ZNF254: variants seen among roughly 807,000 people sequenced by gnomAD.
The protein encoded by ZNF254 is zinc finger protein 254.
ZNF254 carries 10 observed loss-of-function variants against 12.4 expected under a neutral mutation model. That is an observed-to-expected ratio of 0.80 (90% CI 0.50 to 1.36). The LOEUF is 1.36. Among genes scored for constraint, ZNF254 ranks in the 40% most tolerant of loss-of-function variants. The pLI is 0.00. For synonymous variants in ZNF254, 305 were observed against 253.4 expected (o/e 1.20, Z -1.93); for missense variants, 996 against 763.9 (o/e 1.30, Z -3.58).
Position 24,129,463 on chromosome 19 carries a change from A to G in ZNF254, c.*1483A>G, listed in dbSNP as rs1975099909. On this transcript the variant is annotated 3_prime_UTR_variant, in exon 4 of 4. Transcript: ENST00000357002. ...GGTAAGATAATGTACTGACATCTCT[A>G]GCAATCTTTTTTGCCAGTGGCTTTA... 6.6e-6 allele frequency: 1 copy of G among 152,040 alleles called. No homozygotes were observed. 9.4% of individuals were successfully genotyped at this position (152,040 alleles called of 1,614,324 possible). A position where few individuals can be genotyped will look rare whatever the true frequency, so the allele number is the denominator to read the frequency against.
intron 1 of ZNF254, among the ~76,000 whole-genome samples, chr19:24,090,147 G>T (rs1054484216): frequency 2.6e-5 from 4 of 152,026 alleles, no homozygotes; most frequent in African/African-American, 9.7e-5. Context: ...GCAGTGAGTG[G>T]ATATCACGCC....
chr19:24,040,036 T>A (rs1213968004), intron 1 of ZNF254, among the ~76,000 whole-genome samples: 1 of 152,212 alleles, frequency 6.6e-6, no homozygotes, highest in Admixed American at 6.5e-5. Context: ...CAAGTTCTTG[T>A]TGGTCCAGCT....
In ZNF254 at chr19:24,036,100, C is replaced by T. The variant is rs139117305; in HGVS notation, c.-190+2479C>T. ...TTTTTGAGATGGAGGCTCACTCTGTCGCCCAGGCTGGAGTGCAGTGGCGCG... is the reference window on the plus strand; with the variant it reads ...TTTTTGAGATGGAGGCTCACTCTGTTGCCCAGGCTGGAGTGCAGTGGCGCG... On this transcript the variant is annotated intron_variant, in intron 1 of 4. Coordinates refer to the ZNF254 transcript ENST00000613065. Among the ~76,000 whole-genome samples the T allele has an allele frequency of 4.3e-4, 66 of 152,140 alleles. No individual in the cohort carries two copies. The East Asian group carries it at 0.012, about 28-fold the overall frequency.
intron 1 of ZNF254, among the ~76,000 whole-genome samples, chr19:24,088,731 A>G (rs906070944): frequency 1.9e-4 from 29 of 152,042 alleles, no homozygotes; most frequent in African/African-American, 7.0e-4. Context: ...ATTTAGGCTC[A>G]CTGCAACCTC....
chr19:24,101,272 TGC>T (rs1973008975), intron 1 of ZNF254, among the ~76,000 whole-genome samples: 2 of 152,246 alleles, frequency 1.3e-5, no homozygotes, highest in Admixed American at 6.5e-5. Flanking sequence ...ATCTAGAATC[TGC>T]AAATAAGGTC....
intron 2 of ZNF254, among the ~76,000 whole-genome samples, chr19:24,065,085 C>T (rs987889614): frequency 6.6e-6 from 1 of 152,160 alleles, no homozygotes; most frequent in East Asian, 1.9e-4. Flanking sequence ...AAACAAACAC[C>T]TAGGGGTTGG....
At chr19:24,092,696 T>C (rs941505111) in intron 1 of ZNF254, among the ~76,000 whole-genome samples, 2 of 152,240 alleles carry the variant, frequency 1.3e-5, no homozygotes, top group East Asian at 3.8e-4. Flanking sequence ...ATATTTTCTT[T>C]ATTCAGTCTA....
At chr19:24,106,984 G>A (rs1020454229) in intron 3 of ZNF254, 3 of 441,462 alleles carry the variant, frequency 6.8e-6, no homozygotes, top group Non-Finnish European at 1.2e-5. Context: ...ATGTTAAACT[G>A]TTTTTTAAGT....
chr19:24,082,737 T>C (rs1971897141), upstream of ZNF254, among the ~76,000 whole-genome samples: 1 of 151,338 alleles, frequency 6.6e-6, no homozygotes, highest in Admixed American at 6.6e-5. Flanking sequence ...CCGACCACCT[T>C]GGGCACATGT....
At chr19:24,038,225 TAGG>T (rs1970036505) in intron 1 of ZNF254, among the ~76,000 whole-genome samples, 1 of 152,214 alleles carries the variant, frequency 6.6e-6, no homozygotes, top group African/African-American at 2.4e-5. Flanking sequence ...TGTTGGAAGA[TAGG>T]AGTTTACCTT....
chr19:24,103,303 G>T (rs1973139886), intron 1 of ZNF254, among the ~76,000 whole-genome samples: 1 of 152,184 alleles, frequency 6.6e-6, no homozygotes, highest in Admixed American at 6.6e-5. Flanking sequence ...CAGAGAGAGT[G>T]ACACCAGCAT....
At chr19:24,116,145 A>C (rs1210444050) in intron 3 of ZNF254, among the ~76,000 whole-genome samples, 1 of 150,950 alleles carries the variant, frequency 6.6e-6, no homozygotes, top group African/African-American at 2.4e-5. Context: ...CCTTCGTTTC[A>C]ACTTTGGTCA....
intron 1 of ZNF254, among the ~76,000 whole-genome samples, chr19:24,044,388 A>AT (rs1970296502): frequency 6.7e-6 from 1 of 150,100 alleles, no homozygotes; most frequent in Non-Finnish European, 1.5e-5. Context: ...AATACAAAAA[A>AT]TTAGCCGGGC....
rs1176139499 is a variant in ZNF254, at chr19:24,126,349, C to T, written c.349C>T (p.His117Tyr). The T allele has an allele frequency of 4.4e-6, 7 of 1,608,926 alleles. No homozygotes were observed. The South Asian group carries it at 6.7e-5, about 15-fold the overall frequency. ...ACTGAGAAGATATGGAAAATATGGA[C>T]ATGAGAATTTACAGTTAAGAAAAGG... ...AILRRYGKYG[H>Y]ENLQLRKGCK... is the part of the protein sequence containing the mutation. The change falls in exon 4 of 4, where the codon CAT becomes TAT. Residue 117 changes from histidine to tyrosine, a missense_variant. Transcript: ENST00000357002.
At chr19:24,067,699 T>C (rs1035689244) in intron 2 of ZNF254, among the ~76,000 whole-genome samples, 1 of 151,920 alleles carries the variant, frequency 6.6e-6, no homozygotes, top group Non-Finnish European at 1.5e-5. Flanking sequence ...ATACGACCCT[T>C]CCTCTACTGC....
chr19:24,120,600 A>G (rs1287747794), intron 3 of ZNF254, among the ~76,000 whole-genome samples: 14 of 151,938 alleles, frequency 9.2e-5, no homozygotes, highest in African/African-American at 2.7e-4. Context: ...TGGTTTTATG[A>G]TGCTGTCCAG....
intron 3 of ZNF254, among the ~76,000 whole-genome samples, chr19:24,119,266 A>ACTGCAACCTCTGC (rs1395126202): frequency 2.0e-5 from 3 of 151,954 alleles, no homozygotes; most frequent in Admixed American, 6.6e-5. Flanking sequence ...ATCTCGGCTC[A>ACTGCAACCTCTGC]CTGCAACCTC....
At chr19:24,114,146 A>G (rs1973884936) in intron 3 of ZNF254, among the ~76,000 whole-genome samples, 1 of 152,100 alleles carries the variant, frequency 6.6e-6, no homozygotes, top group African/African-American at 2.4e-5. Context: ...CAAGCTACCA[A>G]TGATTTTCTT....
chr19:24,076,657 A>G (rs764903436), intron 2 of ZNF254, among the ~76,000 whole-genome samples: 16 of 152,338 alleles, frequency 1.1e-4, no homozygotes, highest in Non-Finnish European at 2.2e-4. Context: ...TTTGAATTGC[A>G]GTGAATAAGA....
Sources: gnomAD v4.1 joint callset for allele counts (sites outside exome capture counted in the v4.1 genomes callset) on GRCh38, gnomAD v4.1.1 for gene constraint, MANE v1.5 for transcripts, NCBI Gene and HGNC (gene_info 2026-07-23, HGNC 2026-07-21) for gene names.